Variants in SMPD4 observed in about 807,000 individuals in gnomAD.
SMPD4 encodes sphingomyelin phosphodiesterase 4.
A neutral mutation model predicts 97.8 loss-of-function variants in SMPD4; 58 were observed. The ratio of observed to expected loss-of-function variants is 0.59; its 90% confidence interval spans 0.48 to 0.74. SMPD4 has a LOEUF of 0.74. SMPD4 is among the 30% of genes least tolerant of loss of function. SMPD4 has a pLI of 0.00. For synonymous variants in SMPD4, 388 were observed against 450.0 expected (o/e 0.86, Z 1.74); for missense variants, 853 against 1,080.5 (o/e 0.79, Z 2.95).
At chr2:130,155,778 C>T (rs577572835) in intron 14 of SMPD4, among the ~76,000 whole-genome samples, 74 of 152,204 alleles carry the variant, frequency 4.9e-4, no homozygotes, top group African/African-American at 1.6e-3. Flanking sequence ...TCATCTGGGA[C>T]AGAAGGGAGA....
chr2:130,152,914 G>C (rs1369766664), intron 19 of SMPD4, 30 bp from the exon 20 acceptor site: 1 of 1,564,794 alleles, frequency 6.4e-7, no homozygotes, highest in East Asian at 2.3e-5. Context: ...ACGGGGATGT[G>C]GGGTGGTGGC....
At chr2:130,163,613 G>A (rs1434955824) in intron 10 of SMPD4, among the ~76,000 whole-genome samples, 2 of 152,272 alleles carry the variant, frequency 1.3e-5, no homozygotes, top group Non-Finnish European at 2.9e-5. Context: ...AGACTACGTG[G>A]CTGATGCCAC....
chr2:130,154,797 A>C (rs1045381761), intron 15 of SMPD4: 28 of 591,884 alleles, frequency 4.7e-5, no homozygotes, highest in East Asian at 2.9e-5. Flanking sequence ...GAAGCGGCCA[A>C]CACGAGTTGC....
At chr2:130,152,915 G>A (rs1686373085) in intron 19 of SMPD4, 31 bp from the exon 20 acceptor site, 1 of 1,564,420 alleles carries the variant, frequency 6.4e-7, no homozygotes, top group Non-Finnish European at 8.7e-7. Context: ...CGGGGATGTG[G>A]GGTGGTGGCA....
intron 11 of SMPD4, among the ~76,000 whole-genome samples, chr2:130,159,200 G>T (rs1687151332): frequency 6.6e-6 from 1 of 152,082 alleles, no homozygotes; most frequent in African/African-American, 2.4e-5. Context: ...TCGCCATGTT[G>T]CCCAGGCTGG....
chr2:130,173,930 TTG>T (rs1553439309), intron 3 of SMPD4, among the ~76,000 whole-genome samples: 7 of 151,940 alleles, frequency 4.6e-5, no homozygotes, highest in Non-Finnish European at 1.0e-4. Context: ...AATACATTTT[TTG>T]TGTGTGATAG....
chr2:130,167,385 T>A (rs1688036798), intron 9 of SMPD4, 73 bp downstream of exon 9: 1 of 1,604,692 alleles, frequency 6.2e-7, no homozygotes, highest in African/African-American at 1.3e-5. Flanking sequence ...CCTCGCAAAG[T>A]GCTGGGGATT....
intron 9 of SMPD4, among the ~76,000 whole-genome samples, chr2:130,166,307 T>C (rs1687919308): frequency 3.7e-5 from 2 of 53,516 alleles, no homozygotes; most frequent in Non-Finnish European, 3.0e-5. Flanking sequence ...AGACTCCATC[T>C]CAAAAAAAAA....
At chr2:130,176,696 T>C in intron 1 of SMPD4, 59 bp from the exon 2 acceptor site, 1 of 1,420,606 alleles carries the variant, frequency 7.0e-7, no homozygotes, top group Non-Finnish European at 9.8e-7. Flanking sequence ...CTTTTTATAT[T>C]ATTTTTTTAG....
chr2:130,171,340 C>A (rs1163723122), intron 8 of SMPD4, among the ~76,000 whole-genome samples: 1 of 151,916 alleles, frequency 6.6e-6, no homozygotes, highest in Non-Finnish European at 1.5e-5. Flanking sequence ...TGACCTCAGG[C>A]GATCCCTCCA....
At chr2:130,180,031 T>C (rs1265201424) in intron 1 of SMPD4, among the ~76,000 whole-genome samples, 1 of 149,566 alleles carries the variant, frequency 6.7e-6, no homozygotes, top group Non-Finnish European at 1.5e-5. Flanking sequence ...TGGCGCGATC[T>C]GGGCTCACTG....
At chr2:130,172,922 G>A (rs1333597555) in intron 5 of SMPD4, 27 bp from the exon 6 acceptor site, 1 of 1,590,484 alleles carries the variant, frequency 6.3e-7, no homozygotes, top group Non-Finnish European at 8.5e-7. Flanking sequence ...TGAGGCTTGT[G>A]GGCAGGTGCT....
At chr2:130,163,920 C>T (rs1275016148) in intron 10 of SMPD4, among the ~76,000 whole-genome samples, 2 of 152,198 alleles carry the variant, frequency 1.3e-5, no homozygotes, top group Non-Finnish European at 2.9e-5. Context: ...CTTGCTCATG[C>T]TCTGGAGAAG....
chr2:130,176,787 A>G (rs1689016914), intron 1 of SMPD4, 150 bp from the exon 2 acceptor site: 2 of 624,784 alleles, frequency 3.2e-6, no homozygotes, highest in Admixed American at 3.1e-5. Context: ...TCCTGGGTTC[A>G]AGCAATCCTC....
At chr2:130,155,762 A>C (rs1184567523) in intron 14 of SMPD4, among the ~76,000 whole-genome samples, 1 of 152,088 alleles carries the variant, frequency 6.6e-6, no homozygotes, top group Admixed American at 6.5e-5. Flanking sequence ...GGGGGTGGCT[A>C]AACACTCATC....
intron 1 of SMPD4, among the ~76,000 whole-genome samples, chr2:130,180,748 A>C (rs745918361): frequency 1.1e-4 from 17 of 152,332 alleles, no homozygotes; most frequent in African/African-American, 2.9e-4. Context: ...TGCTCAGAAG[A>C]AGCTTTCATG....
At chr2:130,161,091 C>A in intron 11 of SMPD4, 95 bp downstream of exon 11, 6 of 1,219,644 alleles carry the variant, frequency 4.9e-6, no homozygotes, top group Non-Finnish European at 7.1e-6. Flanking sequence ...TGGAACTAGC[C>A]TCTGAGTCAC....
chr2:130,167,642 C>T (rs1688060690), intron 8 of SMPD4, 52 bp from the exon 9 acceptor site: 1 of 1,541,144 alleles, frequency 6.5e-7, no homozygotes, highest in South Asian at 1.3e-5. Flanking sequence ...CTGTAACTCG[C>T]TCCCGCTGTA....
chr2:130,167,336 G>T (rs1160601916), intron 9 of SMPD4, 122 bp downstream of exon 9: 3 of 1,394,562 alleles, frequency 2.2e-6, no homozygotes, highest in Non-Finnish European at 2.9e-6. Context: ...GGCCAGGTTG[G>T]TCCCAAACTC....
Sources: gnomAD v4.1 joint callset for allele counts (sites outside exome capture counted in the v4.1 genomes callset) on GRCh38, gnomAD v4.1.1 for gene constraint, MANE v1.5 for transcripts, NCBI Gene and HGNC (gene_info 2026-07-23, HGNC 2026-07-21) for gene names.